Variants in NELL1 observed in about 807,000 individuals in gnomAD.
The protein encoded by NELL1 is protein kinase C-binding protein NELL1.
Under a neutral mutation model 107.4 loss-of-function variants are expected in NELL1, and 76 were observed. The observed-to-expected ratio is 0.71, with a 90% CI of 0.59 to 0.86. The LOEUF (loss-of-function observed/expected upper bound fraction) is 0.86. Ranked by LOEUF, NELL1 falls within the 40% of genes least tolerant of loss-of-function variation. NELL1 has a pLI of 0.00. For synonymous variants in NELL1, 353 were observed against 341.2 expected (o/e 1.03, Z -0.38); for missense variants, 1,024 against 1,005.5 (o/e 1.02, Z -0.25).
At chr11:20,768,645 G>T (rs550893174) in intron 2 of NELL1, among the ~76,000 whole-genome samples, 8 of 152,338 alleles carry the variant, frequency 5.3e-5, no homozygotes, top group South Asian at 2.1e-4. Context: ...AATCACAAGG[G>T]TTCTCATAAG....
At chr11:21,309,673 G>T (rs1380151929) in intron 14 of NELL1, among the ~76,000 whole-genome samples, 2 of 151,950 alleles carry the variant, frequency 1.3e-5, no homozygotes, top group Non-Finnish European at 2.9e-5. Flanking sequence ...GTTCCACATG[G>T]CTGGGGAGGC....
intron 2 of NELL1, among the ~76,000 whole-genome samples, chr11:20,756,742 G>T (rs1363896987): frequency 9.2e-5 from 14 of 151,970 alleles, no homozygotes; most frequent in African/African-American, 3.4e-4. Flanking sequence ...ACTGCCGGTA[G>T]GTTCCCCCAG....
chr11:21,522,228 C>A (rs534733993), intron 15 of NELL1, among the ~76,000 whole-genome samples: 5 of 123,070 alleles, frequency 4.1e-5, no homozygotes, highest in African/African-American at 1.1e-4. Context: ...AGAGAGACTC[C>A]GTCTCAAAAA....
At chr11:21,038,015 T>G (rs1488038043) in intron 12 of NELL1, among the ~76,000 whole-genome samples, 1 of 152,166 alleles carries the variant, frequency 6.6e-6, no homozygotes, top group Non-Finnish European at 1.5e-5. Context: ...AAAATGTTCC[T>G]TTCATGGGCC....
chr11:20,848,852 T>A (rs1205468954), intron 4 of NELL1, among the ~76,000 whole-genome samples: 1 of 152,210 alleles, frequency 6.6e-6, no homozygotes, highest in Admixed American at 6.5e-5. Flanking sequence ...CAAGGGAAGG[T>A]TTGCCATCTT....
chr11:21,538,631 G>A (rs1856206662), intron 16 of NELL1, among the ~76,000 whole-genome samples: 1 of 152,042 alleles, frequency 6.6e-6, no homozygotes, highest in Non-Finnish European at 1.5e-5. Flanking sequence ...GGCACTGTAG[G>A]GTACAATGCA....
At chr11:20,871,330 A>G (rs759035836) in intron 4 of NELL1, among the ~76,000 whole-genome samples, 2 of 152,198 alleles carry the variant, frequency 1.3e-5, no homozygotes, top group African/African-American at 2.4e-5. Context: ...CATGGAGAAT[A>G]TTCAGCTCGC....
chr11:21,402,126 T>C (rs1267003314), intron 15 of NELL1, among the ~76,000 whole-genome samples: 1 of 151,862 alleles, frequency 6.6e-6, no homozygotes, highest in African/African-American at 2.4e-5. Flanking sequence ...TAGTCCGTCC[T>C]TGCAGTTGTC....
chr11:21,038,429 G>A (rs1209965176), intron 12 of NELL1, among the ~76,000 whole-genome samples: 1 of 152,080 alleles, frequency 6.6e-6, no homozygotes, highest in Admixed American at 6.6e-5. Context: ...GCTAACACAA[G>A]AAAAACAACT....
chr11:21,225,805 C>G (rs1352979895), intron 13 of NELL1, among the ~76,000 whole-genome samples: 1 of 152,156 alleles, frequency 6.6e-6, no homozygotes, highest in Non-Finnish European at 1.5e-5. Context: ...ACTTGTGGAG[C>G]ACTTACCAGC....
intron 3 of NELL1, among the ~76,000 whole-genome samples, chr11:20,809,802 G>A: frequency 6.6e-6 from 1 of 151,950 alleles, no homozygotes; most frequent in East Asian, 1.9e-4. Context: ...CCATATCTTG[G>A]CTATTGTGAA....
chr11:21,192,578 T>C (rs1857069784), intron 13 of NELL1, among the ~76,000 whole-genome samples: 1 of 151,938 alleles, frequency 6.6e-6, no homozygotes, highest in African/African-American at 2.4e-5. Flanking sequence ...CAATATGCAC[T>C]GTTATATTAA....
intron 3 of NELL1, among the ~76,000 whole-genome samples, chr11:20,806,587 T>C (rs572209349): frequency 1.3e-5 from 2 of 152,298 alleles, no homozygotes; most frequent in African/African-American, 4.8e-5. Context: ...CCTCTAGATT[T>C]GGGAAGCTCC....
intron 2 of NELL1, among the ~76,000 whole-genome samples, chr11:20,699,454 G>A (rs1436132632): frequency 2.0e-5 from 3 of 151,822 alleles, no homozygotes; most frequent in Admixed American, 6.6e-5. Context: ...TCTACCTCCT[G>A]GGTTCAAACG....
At chr11:21,032,341 A>G (rs1456206547) in intron 12 of NELL1, among the ~76,000 whole-genome samples, 1 of 151,940 alleles carries the variant, frequency 6.6e-6, no homozygotes, top group African/African-American at 2.4e-5. Flanking sequence ...CAAAATCTAA[A>G]TATATTTTTG....
At chr11:21,337,591 C>T (rs995664756) in intron 14 of NELL1, among the ~76,000 whole-genome samples, 2 of 152,176 alleles carry the variant, frequency 1.3e-5, no homozygotes, top group Non-Finnish European at 2.9e-5. Flanking sequence ...ATGGCCCAGG[C>T]CAGCTACAAG....
intron 2 of NELL1, among the ~76,000 whole-genome samples, chr11:20,679,069 A>G (rs1854131715): frequency 6.6e-6 from 1 of 152,210 alleles, no homozygotes; most frequent in South Asian, 2.1e-4. Flanking sequence ...AGGGGTAGAC[A>G]GAGACTAGGT....
rs1370199267 is a variant in NELL1, at chr11:20,669,843, T to A, written c.55+65T>A. On this transcript the variant is annotated intron_variant, in intron 1 of 19. Coordinates refer to ENST00000357134, the MANE Select transcript of NELL1 (RefSeq NM_006157.5). This position sits in a 1 kb window ranked among gnomAD's most constrained non-coding sequence, Gnocchi z 4.4. ...GGGGTGCCCACAGACCACGGCGGCG[T>A]GGGGAGACCTGGAGCCGAGCTTTGC... is the stretch of plus-strand genomic sequence containing the variant. 1 of 1,355,888 alleles carries A rather than the reference T, an allele frequency of 7.4e-7. No homozygotes were observed. Among genetic ancestry groups the A allele is most frequent in the Admixed American group, 1.7e-5 (1 of 59,172 alleles). 84.0% of individuals were successfully genotyped at this position (1,355,888 alleles called of 1,614,324 possible).
chr11:21,054,392 G>T (rs1314689879), intron 12 of NELL1, among the ~76,000 whole-genome samples: 1 of 151,880 alleles, frequency 6.6e-6, no homozygotes. Context: ...TTTAAACACA[G>T]TGTTGTGATT....
Sources: gnomAD v4.1 joint callset for allele counts (sites outside exome capture counted in the v4.1 genomes callset) on GRCh38, gnomAD v4.1.1 for gene constraint, Gnocchi (gnomAD v3.1) non-coding constraint, MANE v1.5 for transcripts, NCBI Gene and HGNC (gene_info 2026-07-23, HGNC 2026-07-21) for gene names.